DGKG: variants seen among roughly 807,000 people sequenced by gnomAD.
The protein encoded by DGKG is diacylglycerol kinase gamma, also known as DAG kinase gamma.
In DGKG, 78 loss-of-function variants were observed where a neutral mutation model predicts 105.3. The ratio of observed to expected loss-of-function variants is 0.74; its 90% CI spans 0.62 to 0.89. The LOEUF (loss-of-function observed/expected upper bound fraction) is 0.89, where lower values mean the gene tolerates loss of function less well. Ranked by LOEUF, DGKG falls within the 40% of genes least tolerant of loss-of-function variation. The probability of loss-of-function intolerance (pLI) is 0.00; values close to 1 mark genes in which losing one functional copy is unlikely to be tolerated. For synonymous variants in DGKG, 346 were observed against 367.1 expected, an observed-to-expected ratio of 0.94 and a Z score of 0.66; for missense variants, 958 against 1,020.1, an observed-to-expected ratio of 0.94 and a Z score of 0.83.
At chr3:186,152,538 G>A (rs769480430) in intron 24 of DGKG, among the ~76,000 whole-genome samples, 1 of 152,192 alleles carries the variant, frequency 6.6e-6, no homozygotes, top group Non-Finnish European at 1.5e-5. Flanking sequence ...TGCAGTGCCT[G>A]TTCAGGGTAC....
intron 13 of DGKG, among the ~76,000 whole-genome samples, 198 bp from the exon 14 acceptor site, chr3:186,265,504 G>T (rs1020052457): frequency 6.6e-6 from 1 of 152,114 alleles, no homozygotes; most frequent in African/African-American, 2.4e-5. Context: ...GATTCTTCAG[G>T]CCTCCAGTGA....
intron 1 of DGKG, among the ~76,000 whole-genome samples, chr3:186,355,251 A>T (rs1363037391): frequency 1.3e-5 from 2 of 151,766 alleles, no homozygotes; most frequent in Non-Finnish European, 2.9e-5. Context: ...CACCGCTACC[A>T]CCAACACCAA....
At chr3:186,297,062 T>TACACA (rs1560139860) in intron 5 of DGKG, among the ~76,000 whole-genome samples, 53 of 26,812 alleles carry the variant, frequency 2.0e-3, no homozygotes, top group African/African-American at 4.1e-3. Flanking sequence ...TGTCTGTCTG[T>TACACA]CTCTCTCACA....
chr3:186,301,236 C>T (rs1317412408), intron 3 of DGKG, among the ~76,000 whole-genome samples: 1 of 152,154 alleles, frequency 6.6e-6, no homozygotes, highest in Non-Finnish European at 1.5e-5. Flanking sequence ...GCTTCCTTAA[C>T]CCCATGTCCA....
At chr3:186,360,391 T>G (rs1727171060) in intron 1 of DGKG, among the ~76,000 whole-genome samples, 1 of 152,104 alleles carries the variant, frequency 6.6e-6, no homozygotes, top group Non-Finnish European at 1.5e-5. Context: ...GTGTAAACGT[T>G]AAGGGTGATT....
At chr3:186,212,033 A>G (rs1358611222) in intron 20 of DGKG, 148 bp from the exon 21 acceptor site, 5 of 644,252 alleles carry the variant, frequency 7.8e-6, no homozygotes, top group Non-Finnish European at 1.1e-5. Context: ...TGATCAAGGA[A>G]TAGAAATTTT....
At chr3:186,251,684 A>G in intron 19 of DGKG, 75 bp downstream of exon 19, 1 of 1,561,712 alleles carries the variant, frequency 6.4e-7, no homozygotes, top group Non-Finnish European at 8.8e-7. Context: ...AGGGACCCAG[A>G]GGGGACAACA....
At chr3:186,264,242 C>T (rs1482195823) in intron 14 of DGKG, among the ~76,000 whole-genome samples, 5 of 139,682 alleles carry the variant, frequency 3.6e-5, no homozygotes, top group Non-Finnish European at 7.9e-5. Context: ...TCCCCTCATT[C>T]GGCCTTATGT....
At chr3:186,192,874 A>G (rs1346625240) in intron 21 of DGKG, among the ~76,000 whole-genome samples, 1 of 152,234 alleles carries the variant, frequency 6.6e-6, no homozygotes, top group Non-Finnish European at 1.5e-5. Context: ...TTTTTTAAAA[A>G]AGTACATCAC....
Position 186,288,862 on chromosome 3 carries a change from T to G in DGKG, c.392A>C (p.Lys131Thr). The G allele has an allele frequency of 6.3e-7, 1 of 1,581,226 alleles. No individual in the cohort carries two copies. Among genetic ancestry groups the G allele is most frequent in the Non-Finnish European group, 8.6e-7 (1 of 1,166,378 alleles). The change falls in exon 6 of 25, where the codon AAG becomes ACG. Residue 131 changes from lysine (K) to threonine (T), a missense_variant. By Grantham distance (78) the Lys-to-Thr change is moderately conservative (BLOSUM62 -1). This residue lies in a region of DGKG where 643 missense variants were observed against 619.5 expected (regional missense o/e 1.04). Coordinates refer to ENST00000265022, the MANE Select transcript of DGKG (RefSeq NM_001346.3). The part of the protein sequence containing the change: ...APDTESNMAE[K>T]QAPAEDQVAA... ...CACTTGGTCTTCAGCTGGTGCTTGC[T>G]TCTCAGCCATATTTGATTCTGCGAT... is the stretch of plus-strand genomic sequence containing the variant.
intron 24 of DGKG, among the ~76,000 whole-genome samples, chr3:186,154,141 G>C (rs1715912394): frequency 6.6e-6 from 1 of 152,178 alleles, no homozygotes; most frequent in Admixed American, 6.5e-5. Flanking sequence ...GAGGTCTGCT[G>C]TAATTTGAAC....
rs200659436 is a variant in DGKG, at chr3:186,275,570, C to A, written c.887G>T (p.Arg296Leu). The A allele has an allele frequency of 1.9e-6, 3 of 1,614,160 alleles. No homozygotes were observed. In the Admixed American group the frequency reaches 5.0e-5, roughly 27 times the overall value. Residue 296 changes from arginine (R) to leucine (L), a missense_variant, in exon 10 of 25, where the codon CGC becomes CTC. Arg to Leu is a moderately radical substitution (Grantham distance 102). This residue lies in a region of DGKG where 643 missense variants were observed against 619.5 expected (regional missense o/e 1.04). Coordinates refer to ENST00000265022, the MANE Select transcript of DGKG (RefSeq NM_001346.3). ...NFCHIMLMGV[R>L]KQGLCCTYCK... is the part of the protein sequence containing the mutation. ...ACAAGTGCAGCACAGGCCTTGCTTGCGGACGCCCATGAGCATGATATGGCA... is the reference window on the plus strand; with the variant it reads ...ACAAGTGCAGCACAGGCCTTGCTTGAGGACGCCCATGAGCATGATATGGCA...
chr3:186,214,340 A>G (rs914981677), intron 20 of DGKG, among the ~76,000 whole-genome samples: 1 of 152,226 alleles, frequency 6.6e-6, no homozygotes, highest in African/African-American at 2.4e-5. Flanking sequence ...GAAAAGTTAA[A>G]TGAGATAACA....
intron 1 of DGKG, among the ~76,000 whole-genome samples, chr3:186,356,405 T>C (rs969694487): frequency 5.9e-5 from 9 of 151,602 alleles, no homozygotes; most frequent in Admixed American, 2.0e-4. Context: ...GTCTCTAGAG[T>C]GGCTGTGAGG....
Position 186,261,760 on chromosome 3 carries a change from G to T in DGKG, c.1288C>A (p.Pro430Thr). 6.2e-7 allele frequency: 1 copy of T among 1,605,300 alleles called. No individual in the cohort carries two copies. Among genetic ancestry groups the T allele is most frequent in the Non-Finnish European group, 8.5e-7 (1 of 1,175,726 alleles). The change falls in exon 15 of 25, where the codon CCG (proline) becomes ACG (threonine). Residue 430 changes from proline to threonine, a missense_variant. Physicochemically the swap from Pro to Thr is conservative, Grantham distance 38. This residue lies in a region of DGKG where 643 missense variants were observed against 619.5 expected (regional missense o/e 1.04). Transcript: ENST00000265022. ...AAGACCAGCAGGGGGTGGGTACCCG[G>T]GGTGGGGATGATCTTATACTTGAAA... ...LVMQYKIIPT[P>T]GTHPLLVLVN...
chr3:186,250,193 A>G (rs1157304138), intron 19 of DGKG, among the ~76,000 whole-genome samples: 1 of 152,196 alleles, frequency 6.6e-6, no homozygotes, highest in Non-Finnish European at 1.5e-5. Flanking sequence ...GAGGGCTGGA[A>G]TATGTACAGT....
At chr3:186,230,237 A>G (rs1027201580) in intron 20 of DGKG, among the ~76,000 whole-genome samples, 12 of 152,198 alleles carry the variant, frequency 7.9e-5, no homozygotes, top group Non-Finnish European at 1.5e-4. Context: ...CAGCCTGGGC[A>G]ACAGAGCGAG....
chr3:186,242,263 C>T (rs150101374), intron 20 of DGKG, among the ~76,000 whole-genome samples: 1 of 152,354 alleles, frequency 6.6e-6, no homozygotes, highest in Non-Finnish European at 1.5e-5. Flanking sequence ...TCATACCCAC[C>T]TCCTGCCCTC....
At chr3:186,331,861 G>A (rs571877471) in intron 1 of DGKG, among the ~76,000 whole-genome samples, 1 of 152,306 alleles carries the variant, frequency 6.6e-6, no homozygotes, top group East Asian at 1.9e-4. Flanking sequence ...CACATCTTGC[G>A]CTTTGCAAAC....
Sources: gnomAD v4.1 joint callset for allele counts (sites outside exome capture counted in the v4.1 genomes callset) on GRCh38, gnomAD v4.1.1 for gene constraint, gnomAD v4.1.1 regional missense constraint, MANE v1.5 for transcripts, NCBI Gene and HGNC (gene_info 2026-07-23, HGNC 2026-07-21) for gene names.